The following PCDHGA2 variants were observed in gnomAD, a reference collection of about 807,000 sequenced individuals.
PCDHGA2 encodes protocadherin gamma subfamily A, 2, also known as protocadherin gamma-A2.
Under a neutral mutation model 59.2 loss-of-function variants are expected in PCDHGA2, and 40 were observed. The observed-to-expected ratio is 0.68, with a 90% confidence interval of 0.52 to 0.88. The LOEUF (loss-of-function observed/expected upper bound fraction) is 0.88, where lower values mean the gene tolerates loss of function less well. Among genes scored for constraint, PCDHGA2 ranks in the 40% least tolerant of loss-of-function variants. The pLI is 0.00. For synonymous variants in PCDHGA2, 560 were observed against 526.0 expected (o/e 1.06, Z -0.89); for missense variants, 1,226 against 1,204.0 (o/e 1.02, Z -0.27).
chr5:141,404,244 C>A (rs1164182551), intron 1 of PCDHGA2: 2 of 1,613,758 alleles, frequency 1.2e-6, no homozygotes, highest in East Asian at 2.2e-5. Context: ...GGAACTCCGC[C>A]CCTGTCCACA....
rs1030624939 is a variant in PCDHGA2, at chr5:141,339,782, G to T, written c.811G>T (p.Glu271Ter). The change falls in exon 1 of 4, where the codon GAG becomes TAG. Residue 271 changes from glutamate (E) to a stop codon, truncating the protein, a stop_gained. Transcript: ENST00000394576. LOFTEE classifies it high-confidence loss of function. ...CACGGTGACCGCCACTGACGCAGATGAGGGCTACTACGCTCAAGTGGTATA... is the reference window on the plus strand; with the variant it reads ...CACGGTGACCGCCACTGACGCAGATTAGGGCTACTACGCTCAAGTGGTATA... ...ILTVTATDAD[E>*]GYYAQVVYFL... is the part of the protein sequence containing the mutation. 5 of 1,614,230 alleles carry T rather than the reference G, an allele frequency of 3.1e-6. No individual in the cohort carries two copies. The highest frequency in any genetic ancestry group is 1.3e-5 in the African/African-American group (1 of 75,062).
intron 1 of PCDHGA2, chr5:141,413,201 A>G (rs746209535): frequency 1.9e-6 from 3 of 1,611,954 alleles, no homozygotes; most frequent in Non-Finnish European, 2.5e-6. Context: ...AATCGCTCAA[A>G]GGAATCAAAG....
intron 1 of PCDHGA2, chr5:141,375,203 C>T (rs1346536726): frequency 4.3e-6 from 7 of 1,613,912 alleles, no homozygotes; most frequent in Non-Finnish European, 5.1e-6. Flanking sequence ...AGTGTTCGAT[C>T]GAGACTCTGG....
chr5:141,447,824 G>T (rs926580893), intron 1 of PCDHGA2, among the ~76,000 whole-genome samples: 2 of 152,034 alleles, frequency 1.3e-5, no homozygotes, highest in Non-Finnish European at 2.9e-5. Context: ...GGTGGCTCAC[G>T]CCTGTAATCC....
intron 1 of PCDHGA2, among the ~76,000 whole-genome samples, chr5:141,354,450 T>C (rs1250018353): frequency 6.6e-6 from 1 of 152,234 alleles, no homozygotes; most frequent in East Asian, 1.9e-4. Context: ...ATTATCCTAT[T>C]TGTCAATCTC....
intron 1 of PCDHGA2, chr5:141,395,370 G>A (rs377682598): frequency 1.7e-6 from 2 of 1,207,198 alleles, no homozygotes; most frequent in South Asian, 1.7e-5. Flanking sequence ...GTTTATTTTG[G>A]TGGTGTTACT....
intron 1 of PCDHGA2, among the ~76,000 whole-genome samples, chr5:141,456,940 G>A (rs1284610928): frequency 6.6e-6 from 1 of 152,138 alleles, no homozygotes; most frequent in Non-Finnish European, 1.5e-5. Context: ...TCCAGCCTGG[G>A]CAACAGAGCA....
chr5:141,413,387 T>G (rs902208287), intron 1 of PCDHGA2: 1 of 1,613,908 alleles, frequency 6.2e-7, no homozygotes, highest in Non-Finnish European at 8.5e-7. Context: ...GTCCGCATAG[T>G]CTCCAGAGGT....
intron 1 of PCDHGA2, among the ~76,000 whole-genome samples, chr5:141,381,361 G>A (rs1050283609): frequency 6.6e-6 from 1 of 152,198 alleles, no homozygotes; most frequent in Admixed American, 6.5e-5. Context: ...CTAGCAGAGG[G>A]TAGCCTCGGA....
chr5:141,451,095 T>G (rs1158753327), intron 1 of PCDHGA2, among the ~76,000 whole-genome samples: 2 of 152,180 alleles, frequency 1.3e-5, no homozygotes, highest in African/African-American at 4.8e-5. Context: ...CCCAAAGTGT[T>G]GGGATTACAG....
chr5:141,376,763 T>A (rs1300525391), intron 1 of PCDHGA2: 1 of 425,102 alleles, frequency 2.4e-6, no homozygotes. Context: ...CTCGGCTCAC[T>A]GCAAGCTCCG....
At chr5:141,419,729 G>A in intron 1 of PCDHGA2, 1 of 1,613,758 alleles carries the variant, frequency 6.2e-7, no homozygotes, top group Non-Finnish European at 8.5e-7. Context: ...GCTGCGAACA[G>A]GCGAGGTGCG....
intron 1 of PCDHGA2, among the ~76,000 whole-genome samples, chr5:141,347,727 C>T (rs1232753863): frequency 6.7e-6 from 1 of 149,396 alleles, no homozygotes; most frequent in Non-Finnish European, 1.5e-5. Flanking sequence ...GCAGAAGTTG[C>T]AGAGAGCCAA....
intron 1 of PCDHGA2, chr5:141,383,071 G>A (rs1778782498): frequency 1.2e-6 from 2 of 1,613,916 alleles, no homozygotes; most frequent in South Asian, 1.1e-5. Context: ...GGAGCCCCGG[G>A]AGCTGGCGGA....
At position 141,493,666 on chromosome 5, in the gene PCDHGA2, C is replaced by T. The variant is rs1475584876; in HGVS notation, c.2425-1141C>T. On this transcript the variant is annotated intron_variant, in intron 1 of 3. Transcript: ENST00000394576. The surrounding 1 kb of genome is among the most constrained non-coding windows in gnomAD (Gnocchi z 4.3). ...GCCATCCCTGTGCCCTTCTCCATGG[C>T]AGCCCCAGAATGGTGCTGGTGACTC... 6.6e-6 allele frequency among the ~76,000 whole-genome samples: 1 copy of T among 152,176 alleles called. No individual in the cohort carries two copies. The highest frequency in any genetic ancestry group is 1.5e-5 in the Non-Finnish European group (1 of 68,028).
chr5:141,398,017 A>AAACTGG (rs1270977201), intron 1 of PCDHGA2: 25 of 1,422,582 alleles, frequency 1.8e-5, no homozygotes, highest in Non-Finnish European at 2.2e-5. Context: ...ATCGTTTCCT[A>AAACTGG]AACTGGAACT....
At chr5:141,389,304 GCTT>G (rs762969573) in intron 1 of PCDHGA2, 2 of 1,614,006 alleles carry the variant, frequency 1.2e-6, no homozygotes, top group Non-Finnish European at 1.7e-6. Context: ...ACAAGTCAGG[GCTT>G]CTGATCCGGA....
At chr5:141,419,808 G>A in intron 1 of PCDHGA2, 2 of 1,614,066 alleles carry the variant, frequency 1.2e-6, no homozygotes, top group Non-Finnish European at 8.5e-7. Flanking sequence ...AGAGATGGAG[G>A]ACAGCCACCC....
intron 2 of PCDHGA2, among the ~76,000 whole-genome samples, chr5:141,502,337 T>C (rs1562205634): frequency 6.6e-6 from 1 of 152,184 alleles, no homozygotes; most frequent in Admixed American, 6.5e-5. Flanking sequence ...CCCAGTCTTT[T>C]TATTTTTTTA....
Sources: gnomAD v4.1 joint callset for allele counts (sites outside exome capture counted in the v4.1 genomes callset) on GRCh38, gnomAD v4.1.1 for gene constraint, Gnocchi (gnomAD v3.1) non-coding constraint, MANE v1.5 for transcripts, NCBI Gene and HGNC (gene_info 2026-07-23, HGNC 2026-07-21) for gene names.